UNC13C: variants seen among roughly 807,000 people sequenced by gnomAD.
The protein encoded by UNC13C is protein unc-13 homolog C.
In UNC13C, 174 loss-of-function variants were observed where a neutral mutation model predicts 245.4. The ratio of observed to expected loss-of-function variants is 0.71; its 90% CI spans 0.63 to 0.80. UNC13C has a LOEUF of 0.80. Among genes scored for constraint, UNC13C ranks in the 30% least tolerant of loss-of-function variants. The pLI is 0.00. For synonymous variants in UNC13C, 992 were observed against 895.1 expected (o/e 1.11, Z -1.93); for missense variants, 2,829 against 2,602.9 (o/e 1.09, Z -1.89).
chr15:53,899,038 C>T, the UNC13C span, among the ~76,000 whole-genome samples: 1 of 151,672 alleles, frequency 6.6e-6, no homozygotes, highest in East Asian at 2.0e-4. Context: ...GGACGTTCTT[C>T]CAATGTGTTT....
rs188725133 is a variant in UNC13C, at chr15:54,500,110, G to C, written c.5092G>C (p.Asp1698His). The change falls in exon 21 of 33, where the codon GAT (aspartate) becomes CAT (histidine). Residue 1698 changes from aspartate to histidine, a missense_variant. Physicochemically the swap from Asp to His is moderately conservative, Grantham distance 81. Transcript: ENST00000260323. ...WFEPFVMQWLDENEDVSMEFL... is the reference protein window; with the variant it reads ...WFEPFVMQWLHENEDVSMEFL... ...TGAACCTTTTGTCATGCAATGGCTA[G>C]ATGAAAACGAAGATGTGTCAATGGA... 1.9e-6 allele frequency: 3 copies of C among 1,611,256 alleles called. No individual in the cohort carries two copies. Among genetic ancestry groups the C allele is most frequent in the East Asian group, 2.2e-5 (1 of 44,776 alleles).
intron 4 of UNC13C, among the ~76,000 whole-genome samples, chr15:54,186,294 TTCCAA>T (rs1390994912): frequency 6.6e-6 from 1 of 152,204 alleles, no homozygotes; most frequent in African/African-American, 2.4e-5. Context: ...TGGCCAGAAC[TTCCAA>T]CACTATGTTG....
intron 19 of UNC13C, among the ~76,000 whole-genome samples, chr15:54,464,485 A>G (rs975898523): frequency 1.3e-5 from 2 of 152,154 alleles, no homozygotes; most frequent in Non-Finnish European, 2.9e-5. Context: ...GACTGTACAT[A>G]AAACATCAGA....
chr15:54,279,027 T>C (rs1428004309), intron 10 of UNC13C, among the ~76,000 whole-genome samples: 1 of 152,216 alleles, frequency 6.6e-6, no homozygotes, highest in Non-Finnish European at 1.5e-5. Context: ...TTCATTCAGA[T>C]GTTCATAAAC....
At chr15:54,610,595 C>T (rs925698305) in intron 30 of UNC13C, among the ~76,000 whole-genome samples, 2 of 152,136 alleles carry the variant, frequency 1.3e-5, no homozygotes, top group Non-Finnish European at 2.9e-5. Flanking sequence ...TTAATAACCA[C>T]CAAAATAATA....
chr15:54,049,033 T>A, intron 2 of UNC13C: 1 of 385,660 alleles, frequency 2.6e-6, no homozygotes, highest in Non-Finnish European at 5.1e-6. Context: ...CCAAATCGTT[T>A]CACAGAAGTG....
At chr15:54,618,312 T>C (rs1417862202) in intron 30 of UNC13C, among the ~76,000 whole-genome samples, 1 of 152,170 alleles carries the variant, frequency 6.6e-6, no homozygotes, top group African/African-American at 2.4e-5. Context: ...GAAGTATTCA[T>C]GACCCAATAA....
At chr15:54,279,921 T>G (rs2036931046) in intron 10 of UNC13C, among the ~76,000 whole-genome samples, 1 of 152,034 alleles carries the variant, frequency 6.6e-6, no homozygotes, top group African/African-American at 2.4e-5. Context: ...AAAAGATAGG[T>G]TTTCAATGAT....
chr15:54,497,262 A>G (rs35645879), intron 20 of UNC13C, among the ~76,000 whole-genome samples: 26,991 of 152,078 alleles, frequency 0.18, 2,523 homozygotes, highest in Middle Eastern at 0.23. Context: ...GAAAAGAAAA[A>G]TGCACTAAGG....
the UNC13C span, among the ~76,000 whole-genome samples, chr15:53,875,993 A>G: frequency 6.6e-6 from 1 of 152,206 alleles, no homozygotes; most frequent in African/African-American, 2.4e-5. Flanking sequence ...TCTCTCAGAT[A>G]TCTGAGCACA....
intron 17 of UNC13C, among the ~76,000 whole-genome samples, chr15:54,380,639 T>TC (rs397692743): frequency 6.6e-6 from 1 of 152,160 alleles, no homozygotes; most frequent in Non-Finnish European, 1.5e-5. Context: ...TTTGTTTTTT[T>TC]GATAATAGCC....
chr15:54,093,957 A>G, intron 2 of UNC13C, among the ~76,000 whole-genome samples: 1 of 148,934 alleles, frequency 6.7e-6, no homozygotes. Context: ...GGGGAGCATA[A>G]TTGACTTATA....
chr15:53,980,279 TAAC>T (rs1351135155), intron 1 of UNC13C, among the ~76,000 whole-genome samples: 3 of 152,194 alleles, frequency 2.0e-5, no homozygotes, highest in Admixed American at 6.5e-5. Context: ...CGCATGACTA[TAAC>T]AACAACAATG....
At chr15:54,016,568 G>A (rs1895669652) in intron 2 of UNC13C, among the ~76,000 whole-genome samples, 1 of 152,150 alleles carries the variant, frequency 6.6e-6, no homozygotes, top group Non-Finnish European at 1.5e-5. Flanking sequence ...TAAGAATAAA[G>A]TCCCTTCTCC....
intron 10 of UNC13C, among the ~76,000 whole-genome samples, chr15:54,281,164 T>G (rs755192452): frequency 5.9e-5 from 9 of 152,142 alleles, no homozygotes; most frequent in Non-Finnish European, 1.0e-4. Flanking sequence ...ATATAAGCAT[T>G]AAAAACAATT....
chr15:54,417,532 A>G (rs80063741), intron 19 of UNC13C, among the ~76,000 whole-genome samples: 3,044 of 152,288 alleles, frequency 0.02, 107 homozygotes, highest in African/African-American at 0.07. Context: ...TATGTCTTAG[A>G]GTAAATTTAA....
the UNC13C span, among the ~76,000 whole-genome samples, chr15:53,865,298 G>C: frequency 2.0e-5 from 3 of 152,152 alleles, no homozygotes; most frequent in Non-Finnish European, 4.4e-5. Context: ...ACAGAATACA[G>C]ACAGGGAGGC....
intron 2 of UNC13C, among the ~76,000 whole-genome samples, chr15:54,130,308 T>TTTTTTTTTTG (rs67637704): frequency 1.3e-4 from 15 of 119,518 alleles, no homozygotes; most frequent in Non-Finnish European, 1.5e-4. Flanking sequence ...TTTTTTTTTT[T>TTTTTTTTTTG]GTGAGACGGA....
intron 4 of UNC13C, among the ~76,000 whole-genome samples, chr15:54,191,780 A>G (rs1797805522): frequency 6.6e-6 from 1 of 151,900 alleles, no homozygotes; most frequent in South Asian, 2.1e-4. Flanking sequence ...TGTGGTTTTG[A>G]TTTGCATTTC....
Sources: gnomAD v4.1 joint callset for allele counts (sites outside exome capture counted in the v4.1 genomes callset) on GRCh38, gnomAD v4.1.1 for gene constraint, MANE v1.5 for transcripts, NCBI Gene and HGNC (gene_info 2026-07-23, HGNC 2026-07-21) for gene names.